PDE10A: variants seen among roughly 807,000 people sequenced by gnomAD.
PDE10A encodes cAMP and cAMP-inhibited cGMP 3',5'-cyclic phosphodiesterase 10A.
A neutral mutation model predicts 97.7 loss-of-function variants in PDE10A; 39 were observed. The ratio of observed to expected loss-of-function variants is 0.40; its 90% CI spans 0.31 to 0.52. The LOEUF is 0.52. Ranked by LOEUF, PDE10A falls within the 20% of genes least tolerant of loss-of-function variation. The pLI is 0.56. For missense variants in PDE10A, 731 were observed against 1,047.8 expected, an observed-to-expected ratio of 0.70 and a Z score of 4.17; for synonymous variants, 371 against 376.8, an observed-to-expected ratio of 0.98 and a Z score of 0.18.
At chr6:165,935,202 C>T (rs371051728) in intron 1 of PDE10A, among the ~76,000 whole-genome samples, 2 of 152,220 alleles carry the variant, frequency 1.3e-5, no homozygotes, top group East Asian at 1.9e-4. Flanking sequence ...TGTGGAAAAC[C>T]TTATAAAGGA....
intron 1 of PDE10A, among the ~76,000 whole-genome samples, chr6:165,596,109 G>T (rs1786573803): frequency 7.0e-6 from 1 of 143,486 alleles, no homozygotes; most frequent in South Asian, 2.1e-4. Flanking sequence ...GCAGACTCCA[G>T]ATTTTCTTCC....
At chr6:165,709,345 TC>T (rs1791825468) in intron 1 of PDE10A, among the ~76,000 whole-genome samples, 1 of 106,822 alleles carries the variant, frequency 9.4e-6, no homozygotes, top group African/African-American at 3.8e-5. Context: ...TGGTGCTCTC[TC>T]CCCAACCCCA....
intron 1 of PDE10A, chr6:165,775,390 C>T (rs796211887): frequency 1.4e-4 from 22 of 152,314 alleles, no homozygotes; most frequent in African/African-American, 4.6e-4. Flanking sequence ...TAGCCTCCAC[C>T]GTAACACTTC....
At chr6:165,653,166 A>G (rs1789767126) in intron 1 of PDE10A, among the ~76,000 whole-genome samples, 1 of 152,258 alleles carries the variant, frequency 6.6e-6, no homozygotes, top group Non-Finnish European at 1.5e-5. Context: ...AATATTTTAA[A>G]GGACGATTTC....
intron 1 of PDE10A, among the ~76,000 whole-genome samples, chr6:165,765,057 T>C (rs1055044855): frequency 2.0e-5 from 3 of 151,844 alleles, no homozygotes; most frequent in Non-Finnish European, 4.4e-5. Flanking sequence ...AGATACAGAG[T>C]GTGGATTGGT....
chr6:165,329,368 T>C lies in PDE10A; in HGVS notation c.*3657A>G, dbSNP rs1781216908. On this transcript the variant is annotated 3_prime_UTR_variant, in exon 22 of 22. Transcript: ENST00000539869. The stretch of plus-strand genomic sequence containing the variant: ...CAACTTGATAAAATGAATTGTGCGT[T>C]CCTGCAAATATTTTCAATTATACTT... 1 of 152,208 alleles carries C rather than the reference T, an allele frequency of 6.6e-6. No individual in the cohort carries two copies. Among genetic ancestry groups the C allele is most frequent in the Admixed American group, 6.5e-5 (1 of 15,276 alleles). 9.4% of individuals were successfully genotyped at this position (152,208 alleles called of 1,614,324 possible).
chr6:165,987,519 G>A (rs1303371878), intron 1 of PDE10A: 2 of 362,016 alleles, frequency 5.5e-6, no homozygotes, highest in Admixed American at 3.7e-5. Flanking sequence ...TAAAAGAACT[G>A]TCAACTTACC....
intron 1 of PDE10A, among the ~76,000 whole-genome samples, chr6:165,981,310 T>G (rs1217364143): frequency 6.6e-6 from 1 of 151,778 alleles, no homozygotes; most frequent in Non-Finnish European, 1.5e-5. Flanking sequence ...CACTTTCAGA[T>G]GAATAATTAC....
intron 2 of PDE10A, among the ~76,000 whole-genome samples, chr6:165,510,593 G>C (rs1781452394): frequency 6.6e-6 from 1 of 151,968 alleles, no homozygotes; most frequent in East Asian, 1.9e-4. Context: ...TCTTGGAATA[G>C]TGTGAGGACT....
At position 165,603,261 on chromosome 6, in the gene PDE10A, G is replaced by A. The variant is rs181126543; in HGVS notation, c.865+58686C>T. On this transcript the variant is annotated intron_variant, in intron 1 of 21. Transcript: ENST00000539869. ...ATGTTGAGGAACCCCTGCAAGAGAC[G>A]TCTGCAGTTGTATCCCCTAGCAACT... Among the ~76,000 whole-genome samples the A allele has an allele frequency of 1.0e-3, 159 of 152,242 alleles. 1 individual carries two copies. The highest frequency in any genetic ancestry group is 3.5e-3 in the African/African-American group (144 of 41,560).
At chr6:165,870,224 A>G (rs1430098524) in intron 1 of PDE10A, among the ~76,000 whole-genome samples, 1 of 152,220 alleles carries the variant, frequency 6.6e-6, no homozygotes, top group Admixed American at 6.5e-5. Flanking sequence ...AATATCCAGA[A>G]TATGTAAGGA....
intron 1 of PDE10A, among the ~76,000 whole-genome samples, chr6:165,631,285 C>T (rs1320781667): frequency 1.3e-5 from 2 of 152,164 alleles, no homozygotes; most frequent in Non-Finnish European, 2.9e-5. Flanking sequence ...TTTAACCTGT[C>T]TCAGTGAGAA....
chr6:165,341,690 G>A (rs1284287590), intron 19 of PDE10A, among the ~76,000 whole-genome samples: 2 of 152,102 alleles, frequency 1.3e-5, no homozygotes. Context: ...ACTTTTTCTT[G>A]TCATGTCATG....
intron 1 of PDE10A, among the ~76,000 whole-genome samples, chr6:165,789,741 A>G (rs561192238): frequency 1.1e-3 from 169 of 152,268 alleles, no homozygotes; most frequent in African/African-American, 3.9e-3. Flanking sequence ...TGAAAATGTT[A>G]ACTCTCAGTT....
chr6:165,404,166 C>T (rs1786912615), intron 13 of PDE10A, among the ~76,000 whole-genome samples: 1 of 152,154 alleles, frequency 6.6e-6, no homozygotes, highest in Admixed American at 6.5e-5. Flanking sequence ...AACTATTCTA[C>T]ATACTCCCAA....
At chr6:165,855,462 G>A (rs916814568) in intron 1 of PDE10A, among the ~76,000 whole-genome samples, 1 of 151,558 alleles carries the variant, frequency 6.6e-6, no homozygotes, top group South Asian at 2.1e-4. Context: ...GCCTGAGATC[G>A]CCCCTGCCCC....
rs184998439 is a variant in PDE10A at position 165,953,526 on chromosome 6, G to A, written c.-615+34003C>T. 3.2e-3 allele frequency among the ~76,000 whole-genome samples: 491 copies of A among 152,048 alleles called. 1 individual carries two copies. The highest frequency in any genetic ancestry group is 5.8e-3 in the Non-Finnish European group (394 of 68,008). ...GAATTGCTTGAACCCAGGAAGCGGA[G>A]GTTGCACCAAGACGAGATTGTGCCA... On this transcript the variant is annotated intron_variant, in intron 1 of 19. Coordinates refer to the PDE10A transcript ENST00000366882.
intron 1 of PDE10A, among the ~76,000 whole-genome samples, chr6:165,760,574 A>C (rs764727342): frequency 2.0e-5 from 3 of 152,190 alleles, no homozygotes; most frequent in Non-Finnish European, 2.9e-5. Flanking sequence ...GTGAATGAAT[A>C]ACTTGTGTGT....
intron 1 of PDE10A, among the ~76,000 whole-genome samples, chr6:165,627,404 T>C (rs752672522): frequency 1.3e-5 from 2 of 152,250 alleles, no homozygotes; most frequent in Non-Finnish European, 2.9e-5. Flanking sequence ...CCATGCCATA[T>C]GATTAATTCT....
Sources: allele counts gnomAD v4.1 joint callset (sites outside exome capture counted in the v4.1 genomes callset), GRCh38; gene constraint gnomAD v4.1.1; transcripts MANE v1.5; gene names NCBI Gene and HGNC (gene_info 2026-07-23, HGNC 2026-07-21).